Variants in UBE2Z observed in about 807,000 individuals in gnomAD.
UBE2Z encodes ubiquitin conjugating enzyme E2 Z, also known as ubiquitin-conjugating enzyme E2 Z.
In UBE2Z, 10 loss-of-function variants were observed where a neutral mutation model predicts 32.6. That is an observed-to-expected ratio of 0.31 (90% CI 0.19 to 0.52). The LOEUF (loss-of-function observed/expected upper bound fraction) is 0.52, where lower values mean the gene tolerates loss of function less well. Among genes scored for constraint, UBE2Z ranks in the 20% least tolerant of loss-of-function variants. The probability of loss-of-function intolerance (pLI) is 0.97; values close to 1 mark genes in which losing one functional copy is unlikely to be tolerated. For synonymous variants in UBE2Z, 183 were observed against 190.8 expected, an observed-to-expected ratio of 0.96 and a Z score of 0.34; for missense variants, 343 against 480.9, an observed-to-expected ratio of 0.71 and a Z score of 2.68.
intron 4 of UBE2Z, among the ~76,000 whole-genome samples, chr17:48,918,840 A>G (rs895668836): frequency 6.9e-6 from 1 of 145,198 alleles, no homozygotes; most frequent in Non-Finnish European, 1.5e-5. Flanking sequence ...TCTGCCTCCC[A>G]GGTTCAAGCG....
At chr17:48,914,974 T>A (rs2040708930) in intron 3 of UBE2Z, among the ~76,000 whole-genome samples, 3 of 152,104 alleles carry the variant, frequency 2.0e-5, no homozygotes, top group Admixed American at 2.0e-4. Context: ...TGAGCCAAGA[T>A]CACGCCACTG....
chr17:48,926,955 T>TC lies in UBE2Z; in HGVS notation c.895-5dup, dbSNP rs746750210. The TC allele has an allele frequency of 1.0e-4, 169 of 1,610,138 alleles. 3 individuals carry two copies. The South Asian group carries it at 1.7e-3, about 16-fold the overall frequency. On this transcript the variant is annotated splice_polypyrimidine_tract_variant and intron_variant, in intron 6 of 6. Transcript: ENST00000360943. ...GAATCTTCCATCCCCTTGTCTCCTT[T>TC]CCCCACAGGACCCTTTTGGAGAGAA...
chr17:48,921,114 CTT>C, intron 4 of UBE2Z, 44 bp from the exon 5 acceptor site: 1 of 1,528,454 alleles, frequency 6.5e-7, no homozygotes, highest in Non-Finnish European at 8.9e-7. Flanking sequence ...CATTGGTTTT[CTT>C]TTTGCTTAAT....
chr17:48,917,961 A>T (rs1220780065), intron 4 of UBE2Z, among the ~76,000 whole-genome samples: 1 of 152,140 alleles, frequency 6.6e-6, no homozygotes, highest in Non-Finnish European at 1.5e-5. Context: ...TTTGAGACAG[A>T]GTTTCACTAT....
Position 48,927,051 on chromosome 17 carries a change from C to T in UBE2Z, c.982C>T (p.Leu328Phe). Residue 328 changes from leucine (L) to phenylalanine (F), a missense_variant, in exon 7 of 7, where the codon CTC becomes TTC. By Grantham distance (22) the Leu-to-Phe change is conservative. Coordinates refer to ENST00000360943, the MANE Select transcript of UBE2Z (RefSeq NM_023079.5). ...GLIRQKVLER[L>F]HNENAEMDSD... ...GATACGTCAGAAAGTGCTGGAGAGG[C>T]TCCATAATGAGAATGCAGAAATGGA... The T allele has an allele frequency of 3.1e-6, 5 of 1,613,904 alleles. No individual in the cohort carries two copies. The highest frequency in any genetic ancestry group is 4.2e-6 in the Non-Finnish European group (5 of 1,179,850).
intron 4 of UBE2Z, among the ~76,000 whole-genome samples, chr17:48,916,991 A>G (rs1328167463): frequency 6.7e-6 from 1 of 149,856 alleles, no homozygotes; most frequent in East Asian, 2.0e-4. Context: ...TAAGGAGCGA[A>G]ACTCGGTCCC....
chr17:48,915,865 GC>G (rs3833156), intron 3 of UBE2Z: 10 of 341,566 alleles, frequency 2.9e-5, no homozygotes, highest in Admixed American at 1.1e-4. Context: ...CTGTTCTTTT[GC>G]CCCCCCCCCT....
At chr17:48,913,508 C>T (rs1159543961) in intron 3 of UBE2Z, among the ~76,000 whole-genome samples, 1 of 152,210 alleles carries the variant, frequency 6.6e-6, no homozygotes, top group Non-Finnish European at 1.5e-5. Flanking sequence ...GCGTGCACCA[C>T]CACACCTAGC....
Position 48,922,773 on chromosome 17 carries a change from A to T in UBE2Z, c.804-74A>T, listed in dbSNP as rs537463438. The T allele has an allele frequency of 2.4e-6, 3 of 1,249,050 alleles. No individual in the cohort carries two copies. The African/African-American group carries it at 4.5e-5, about 19-fold the overall frequency. The allele number at this position is 1,249,050 out of a possible 1,614,324, so 77.4% of individuals were successfully genotyped here. On this transcript the variant is annotated intron_variant, in intron 5 of 6. Transcript: ENST00000360943. ...CAGAGCAAGACTCCATCTGAAAAAA[A>T]AAAAAGGTTAGGTAAGGAAGGGGTG...
At chr17:48,908,912 C>CTCTCCCACTACA in intron 1 of UBE2Z, 92 bp downstream of exon 1, 1 of 1,030,860 alleles carries the variant, frequency 9.7e-7, no homozygotes, top group Non-Finnish European at 1.2e-6. Context: ...ACCCCCCACC[C>CTCTCCCACTACA]ACTGCGCTGC....
chr17:48,908,635 T>A lies in UBE2Z; in HGVS notation c.132T>A (p.Asp44Glu). ...GGTTCGGGCCGCCTTTCCTGCCGGA[T>A]GTGTGGGCGGCGGCGGCGGCAGCGG... ...GGGFGPPFLP[D>E]VWAAAAAAGG... The change falls in exon 1 of 7, where the codon GAT becomes GAA. Residue 44 changes from aspartate (D) to glutamate (E), a missense_variant. By Grantham distance (45) the Asp-to-Glu change is conservative. Around this residue, in one of 4 missense-constraint regions of UBE2Z, gnomAD observed 103 missense variants for 96.2 expected, o/e 1.07. Transcript: ENST00000360943. 8.1e-7 allele frequency: 1 copy of A among 1,230,852 alleles called. No homozygotes were observed. Among genetic ancestry groups the A allele is most frequent in the Non-Finnish European group, 1.0e-6 (1 of 985,044 alleles). 76.2% of individuals were successfully genotyped at this position (1,230,852 alleles called of 1,614,324 possible).
In UBE2Z at chr17:48,916,202, G is replaced by T. The variant is rs757901229; in HGVS notation, c.690+15G>T. On this transcript the variant is annotated intron_variant, in intron 4 of 6. Transcript: ENST00000360943. ...GCTTTGAACAGGTAAGGCCAGATGG[G>T]CCTGGCTCTGGGGTGTAGACTATTG... is the stretch of plus-strand genomic sequence containing the variant. 2 of 1,487,852 alleles carry T rather than the reference G, an allele frequency of 1.3e-6. No homozygotes were observed. The highest frequency in any genetic ancestry group is 2.6e-5 in the South Asian group (2 of 76,330). 92.2% of individuals were successfully genotyped at this position (1,487,852 alleles called of 1,614,324 possible). A position where few individuals can be genotyped will look rare whatever the true frequency, so the allele number is the denominator to read the frequency against.
intron 4 of UBE2Z, among the ~76,000 whole-genome samples, chr17:48,917,938 AATTT>A (rs1459438566): frequency 6.6e-6 from 1 of 152,168 alleles, no homozygotes; most frequent in South Asian, 2.1e-4. Context: ...CAGCTTAATT[AATTT>A]ATTTATTTTT....
intron 5 of UBE2Z, 85 bp downstream of exon 5, chr17:48,921,357 C>T (rs953208355): frequency 4.8e-5 from 49 of 1,015,126 alleles, no homozygotes; most frequent in Non-Finnish European, 6.7e-5. Context: ...TGTTGGGTAC[C>T]AGAGGGAGAT....
intron 4 of UBE2Z, among the ~76,000 whole-genome samples, chr17:48,919,856 A>C (rs1274391050): frequency 1.3e-5 from 2 of 152,176 alleles, no homozygotes; most frequent in Non-Finnish European, 2.9e-5. Context: ...TTAACCAGGA[A>C]GCATCCTTTA....
chr17:48,911,008 G>GT, intron 2 of UBE2Z, 128 bp downstream of exon 2: 3 of 795,854 alleles, frequency 3.8e-6, no homozygotes, highest in South Asian at 1.5e-5. Context: ...CCCCAGGAGA[G>GT]TAAGTGGCTT....
intron 6 of UBE2Z, among the ~76,000 whole-genome samples, chr17:48,923,447 A>G (rs1016179678): frequency 1.3e-5 from 2 of 151,872 alleles, no homozygotes; most frequent in Non-Finnish European, 2.9e-5. Context: ...CCTGGCCAAC[A>G]TGATGAAACC....
At chr17:48,922,766 GA>G (rs375466237) in intron 5 of UBE2Z, 80 bp from the exon 6 acceptor site, 50,589 of 823,732 alleles carry the variant, frequency 0.061, 1 homozygote, top group South Asian at 0.083. Flanking sequence ...GACTCCATCT[GA>G]AAAAAAAAAA....
At chr17:48,916,336 A>C (rs1017449957) in intron 4 of UBE2Z, 149 bp downstream of exon 4, 3 of 451,522 alleles carry the variant, frequency 6.6e-6, no homozygotes, top group Non-Finnish European at 1.1e-5. Flanking sequence ...GCTTACTGCA[A>C]CCTCCGCCTC....
Sources: gnomAD v4.1 joint callset for allele counts (sites outside exome capture counted in the v4.1 genomes callset) on GRCh38, gnomAD v4.1.1 for gene constraint, gnomAD v4.1.1 regional missense constraint, MANE v1.5 for transcripts, NCBI Gene and HGNC (gene_info 2026-07-23, HGNC 2026-07-21) for gene names.